TRMT44: variants seen among roughly 807,000 people sequenced by gnomAD.
TRMT44 encodes the protein tRNA methyltransferase 44 homolog, also known as probable tRNA (uracil-O(2)-)-methyltransferase.
A neutral mutation model predicts 77.3 loss-of-function variants in TRMT44; 78 were observed. The observed-to-expected ratio is 1.01, with a 90% CI of 0.84 to 1.22. The LOEUF is 1.22. TRMT44 is among the 50% of genes most tolerant of loss of function. The pLI, the probability that TRMT44 is intolerant of heterozygous loss-of-function variation, is 0.00. For missense variants in TRMT44, 1,090 were observed against 964.4 expected, an observed-to-expected ratio of 1.13 and a Z score of -1.73; for synonymous variants, 391 against 383.3, an observed-to-expected ratio of 1.02 and a Z score of -0.23.
At chr4:8,497,596 GATCGCGCC>G (rs1309681804), downstream of TRMT44, among the ~76,000 whole-genome samples, 2 of 152,122 alleles carry the variant, frequency 1.3e-5, no homozygotes, top group Non-Finnish European at 2.9e-5. Context: ...AGTGAGCTGA[GATCGCGCC>G]ACTGCACTCC....
At chr4:8,487,770 G>C (rs1727863570) in intron 2 of TRMT44, among the ~76,000 whole-genome samples, 1 of 152,088 alleles carries the variant, frequency 6.6e-6, no homozygotes, top group Non-Finnish European at 1.5e-5. Flanking sequence ...AGAAGGGGTT[G>C]GGGTACTTAC....
At chr4:8,455,193 C>G (rs1431828119) in intron 6 of TRMT44, among the ~76,000 whole-genome samples, 2 of 152,192 alleles carry the variant, frequency 1.3e-5, no homozygotes. Flanking sequence ...CAGTTAGTAC[C>G]CTGCCTGCCA....
downstream of TRMT44, chr4:8,477,557 A>G (rs534701137): frequency 6.6e-6 from 1 of 152,596 alleles, no homozygotes; most frequent in South Asian, 2.1e-4. Context: ...AGAAGCCCCG[A>G]GGGAGCAGCC....
intron 2 of TRMT44, among the ~76,000 whole-genome samples, chr4:8,483,733 T>A (rs146363511): frequency 1.3e-5 from 2 of 152,312 alleles, no homozygotes; most frequent in East Asian, 3.9e-4. Context: ...CAATAAAGGC[T>A]GGTCTGCTAT....
chr4:8,488,263 C>T (rs1727879040), intron 2 of TRMT44, among the ~76,000 whole-genome samples: 1 of 152,172 alleles, frequency 6.6e-6, no homozygotes, highest in South Asian at 2.1e-4. Flanking sequence ...CACCAAATTT[C>T]ATGAGCGTCC....
downstream of TRMT44, among the ~76,000 whole-genome samples, chr4:8,495,374 T>C (rs1728120887): frequency 6.6e-6 from 1 of 152,190 alleles, no homozygotes; most frequent in Non-Finnish European, 1.5e-5. Context: ...TGCAGCCTCC[T>C]GGCAGGGCTC....
At chr4:8,491,105 G>A (rs941356166) in intron 2 of TRMT44, among the ~76,000 whole-genome samples, 5 of 151,958 alleles carry the variant, frequency 3.3e-5, no homozygotes, top group African/African-American at 4.8e-5. Flanking sequence ...TAGACATAAA[G>A]GTTCTCCAAG....
the TRMT44 span, among the ~76,000 whole-genome samples, chr4:8,515,019 G>A: frequency 2.0e-5 from 3 of 152,162 alleles, no homozygotes; most frequent in Non-Finnish European, 4.4e-5. Context: ...AGACTGGTGT[G>A]CAGTGGCATG....
chr4:8,496,597 C>T (rs1025611771), downstream of TRMT44, among the ~76,000 whole-genome samples: 9 of 152,132 alleles, frequency 5.9e-5, no homozygotes, highest in Non-Finnish European at 1.3e-4. Flanking sequence ...AAATGAGATG[C>T]AGAGGTCCCC....
chr4:8,490,746 GC>G (rs1052101350), intron 2 of TRMT44, among the ~76,000 whole-genome samples: 60 of 152,296 alleles, frequency 3.9e-4, no homozygotes, highest in African/African-American at 1.4e-3. Flanking sequence ...TGTGGAAGGG[GC>G]CCCGAGCGGG....
At chr4:8,463,912 C>A in intron 6 of TRMT44, 73 bp from the exon 7 acceptor site, 2 of 1,287,650 alleles carry the variant, frequency 1.6e-6, no homozygotes, top group South Asian at 1.3e-5. Context: ...TGTACCCTCC[C>A]GCCATGTCCT....
In TRMT44 at chr4:8,446,894, A is replaced by G. The variant is rs1200521748; in HGVS notation, c.734+304A>G. ...CTCAAATTTCTTTATTGTTATTGTT[A>G]TTATTATTATTGAGACAGTCTTACA... On this transcript the variant is annotated intron_variant, in intron 2 of 10. Transcript: ENST00000389737. This position sits in a 1 kb window ranked among gnomAD's most constrained non-coding sequence, Gnocchi z 4.3. Among the ~76,000 whole-genome samples the G allele has an allele frequency of 6.6e-6, 1 of 151,980 alleles. No individual in the cohort carries two copies. The highest frequency in any genetic ancestry group is 1.5e-5 in the Non-Finnish European group (1 of 67,990).
chr4:8,509,156 G>A, the TRMT44 span: 1 of 145,346 alleles, frequency 6.9e-6, no homozygotes, highest in Non-Finnish European at 1.5e-5. Context: ...CAACGCTGAG[G>A]CTTTGAAGGA....
At chr4:8,503,355 T>G in the TRMT44 span, among the ~76,000 whole-genome samples, 1 of 152,188 alleles carries the variant, frequency 6.6e-6, no homozygotes, top group African/African-American at 2.4e-5. Flanking sequence ...TCGGACCGGC[T>G]CAAGCATCTG....
rs1725089343 is a variant in TRMT44, at chr4:8,446,814, A to G, written c.734+224A>G. On this transcript the variant is annotated intron_variant, in intron 2 of 10. Transcript: ENST00000389737. This position sits in a 1 kb window ranked among gnomAD's most constrained non-coding sequence, Gnocchi z 4.3. ...AGCCTGGCTGGGGTTTCTGATCTCT[A>G]CCTTCCCTGTGGCTGTGATGATCAG... 6.6e-6 allele frequency among the ~76,000 whole-genome samples: 1 copy of G among 151,832 alleles called. No individual in the cohort carries two copies. Among genetic ancestry groups the G allele is most frequent in the Non-Finnish European group, 1.5e-5 (1 of 67,956 alleles).
intron 10 of TRMT44, 124 bp downstream of exon 10, chr4:8,471,324 C>G (rs550107507): frequency 1.6e-6 from 1 of 634,256 alleles, no homozygotes; most frequent in African/African-American, 1.9e-5. Flanking sequence ...GCAAGTTCCG[C>G]GGTGCCCCAC....
At position 8,452,046 on chromosome 4, in the gene TRMT44, C is replaced by T; in HGVS notation, c.1023+18C>T. On this transcript the variant is annotated intron_variant, in intron 4 of 10. Coordinates refer to ENST00000389737, the MANE Select transcript of TRMT44 (RefSeq NM_152544.3). The surrounding 1 kb of genome is among the most constrained non-coding windows in gnomAD (Gnocchi z 5.7). ...ACCTGCTGGTAAGGGTGTAAGCGAC[C>T]TCAGCTTCTCTGGAGTGGGTGGAGT... 1 of 1,535,074 alleles carries T rather than the reference C, an allele frequency of 6.5e-7. No homozygotes were observed. The highest frequency in any genetic ancestry group is 2.4e-5 in the East Asian group (1 of 40,890).
chr4:8,499,285 C>A, the TRMT44 span, among the ~76,000 whole-genome samples: 1 of 152,114 alleles, frequency 6.6e-6, no homozygotes, highest in Non-Finnish European at 1.5e-5. Context: ...TCAGCCTGGG[C>A]CCCCTGCCCT....
chr4:8,474,599 A>C (rs1727243741), intron 10 of TRMT44, among the ~76,000 whole-genome samples: 1 of 152,230 alleles, frequency 6.6e-6, no homozygotes, highest in Admixed American at 6.5e-5. Flanking sequence ...AGGTGATTTG[A>C]AGGCAGAATT....
Sources: gnomAD v4.1 joint callset for allele counts (sites outside exome capture counted in the v4.1 genomes callset) on GRCh38, gnomAD v4.1.1 for gene constraint, Gnocchi (gnomAD v3.1) non-coding constraint, MANE v1.5 for transcripts, NCBI Gene and HGNC (gene_info 2026-07-23, HGNC 2026-07-21) for gene names.